Variants in ADAMTS13 observed in about 807,000 individuals in gnomAD.
ADAMTS13 encodes ADAM metallopeptidase with thrombospondin type 1 motif 13.
Under a neutral mutation model 155.1 loss-of-function variants are expected in ADAMTS13, and 110 were observed. That is an observed-to-expected ratio of 0.71 (90% confidence interval 0.61 to 0.83). The LOEUF (loss-of-function observed/expected upper bound fraction) is 0.83. Among genes scored for constraint, ADAMTS13 ranks in the 40% least tolerant of loss-of-function variants. The probability of loss-of-function intolerance (pLI) is 0.00; values close to 1 mark genes in which losing one functional copy is unlikely to be tolerated. For synonymous variants in ADAMTS13, 758 were observed against 756.4 expected (o/e 1.00, Z -0.03); for missense variants, 1,707 against 1,891.7 (o/e 0.90, Z 1.81).
Position 133,436,963 on chromosome 9 carries a change from C to T in ADAMTS13, c.1435+8C>T. On this transcript the variant is annotated splice_region_variant and intron_variant, in intron 12 of 28. Transcript: ENST00000355699. The stretch of plus-strand genomic sequence containing the variant: ...CTGTACCACACAGCCAAGGTGGGGC[C>T]TGCGGAGTGTGGGGTTGGGGGAGGA... 6.3e-7 allele frequency: 1 copy of T among 1,595,838 alleles called. No individual in the cohort carries two copies. Among genetic ancestry groups the T allele is most frequent in the East Asian group, 2.3e-5 (1 of 44,278 alleles).
rs1554790866 is a variant in ADAMTS13 at position 133,441,881 on chromosome 9, C to T, written c.1969-518C>T. The stretch of plus-strand genomic sequence containing the variant: ...CCCTTCTTGGGCTCCTTAGCCCAGC[C>T]TAAGGTGGGCCTGCCTCCTCCACTG... On this transcript the variant is annotated intron_variant, in intron 16 of 28. Coordinates refer to ENST00000355699, the MANE Select transcript of ADAMTS13 (RefSeq NM_139027.6). This position sits in a 1 kb window ranked among gnomAD's most constrained non-coding sequence, Gnocchi z 5.0. Among the ~76,000 whole-genome samples, 2 of 151,746 alleles carry T rather than the reference C, an allele frequency of 1.3e-5. No individual in the cohort carries two copies. The highest frequency in any genetic ancestry group is 4.8e-5 in the African/African-American group (2 of 41,434).
rs1842757375 is a variant in ADAMTS13 at position 133,456,568 on chromosome 9, G to C, written c.3573G>C (p.Arg1191=). The C allele has an allele frequency of 3.1e-6, 5 of 1,613,452 alleles. No individual in the cohort carries two copies. The highest frequency in any genetic ancestry group is 4.2e-6 in the Non-Finnish European group (5 of 1,179,938). The change falls in exon 27 of 29, where the codon CGG becomes CGC. Residue 1191 remains arginine, a synonymous_variant. Transcript: ENST00000355699. The surrounding 1 kb of genome is among the most constrained non-coding windows in gnomAD (Gnocchi z 4.4). ...SAGDMLLLWG[R]LTWRKMCRKL... is the part of the protein sequence containing the mutation. ...GGGACATGTTGCTGCTTTGGGGCCG[G>C]CTCACCTGGAGGAAGATGTGCAGGA... is the stretch of plus-strand genomic sequence containing the variant.
At chr9:133,416,607 T>C (rs1554781623) in intron 1 of ADAMTS13, among the ~76,000 whole-genome samples, 2 of 152,136 alleles carry the variant, frequency 1.3e-5, no homozygotes, top group African/African-American at 2.4e-5. Context: ...TAAGAATGTA[T>C]GAGTGACGCA....
chr9:133,421,339 C>G (rs1323112819), upstream of ADAMTS13, among the ~76,000 whole-genome samples: 1 of 152,194 alleles, frequency 6.6e-6, no homozygotes, highest in Non-Finnish European at 1.5e-5. Context: ...ACCAGGATCT[C>G]GATATCTAAG....
intron 25 of ADAMTS13, 138 bp from the exon 26 acceptor site, chr9:133,455,931 G>T: frequency 8.5e-7 from 1 of 1,172,386 alleles, no homozygotes; most frequent in East Asian, 2.5e-5. Flanking sequence ...TCCCTGTCCT[G>T]AGAAGGCTTC....
chr9:133,424,036 C>G lies in ADAMTS13; in HGVS notation c.173-285C>G, dbSNP rs1467652548. On this transcript the variant is annotated intron_variant, in intron 2 of 28. Coordinates refer to ENST00000355699, the MANE Select transcript of ADAMTS13 (RefSeq NM_139027.6). This position sits in a 1 kb window ranked among gnomAD's most constrained non-coding sequence, Gnocchi z 4.3. ...AAACACCTGTGCCCAGAGCAGGGTC[C>G]AGGAGGCAGGGCAGGGGCTTTCCCC... Among the ~76,000 whole-genome samples, 2 of 152,226 alleles carry G rather than the reference C, an allele frequency of 1.3e-5. No individual in the cohort carries two copies. Among genetic ancestry groups the G allele is most frequent in the African/African-American group, 2.4e-5 (1 of 41,464 alleles).
intron 14 of ADAMTS13, 68 bp from the exon 15 acceptor site, chr9:133,439,298 C>G (rs1431841003): frequency 1.1e-5 from 14 of 1,245,552 alleles, no homozygotes; most frequent in African/African-American, 1.5e-5. Flanking sequence ...CAGCTAAGAT[C>G]AGCTCCCTTT....
Position 133,428,734 on chromosome 9 carries a change from TC to T in ADAMTS13, c.792del (p.Cys265AlafsTer7). 7.4e-7 allele frequency: 1 copy of T among 1,358,734 alleles called. No homozygotes were observed. Among genetic ancestry groups the T allele is most frequent in the Non-Finnish European group, 9.5e-7 (1 of 1,052,680 alleles). The allele number at this position is 1,358,734 out of a possible 1,614,324, so 84.2% of individuals were successfully genotyped here. On this transcript the variant is annotated frameshift_variant, in exon 7 of 29. Coordinates refer to ENST00000355699, the MANE Select transcript of ADAMTS13 (RefSeq NM_139027.6). LOFTEE classifies it high-confidence loss of function. Reference sequence around the variant, plus strand: ...CGCGCCCCGCGCCGGCCTCGCCTGGTCCCCCTGCAGCCGCCGGCAGCTGCTG... The same window carrying T: ...CGCGCCCCGCGCCGGCCTCGCCTGGTCCCCTGCAGCCGCCGGCAGCTGCTG... ...GAAPRAGLAW[S>X]PCSRRQLLSL...
Position 133,425,674 on chromosome 9 carries a change from C to CCAT in ADAMTS13, c.414+64_414+66dup. On this transcript the variant is annotated intron_variant, in intron 4 of 28. Transcript: ENST00000355699. The surrounding 1 kb of genome is among the most constrained non-coding windows in gnomAD (Gnocchi z 4.6). Reference sequence around the variant, plus strand: ...GCGGGAAGCCCAAGTCATCGCATCTCCATCCTCTTTAACCTCTTGTCCCGG... The same window carrying CCAT: ...GCGGGAAGCCCAAGTCATCGCATCTCCATCATCCTCTTTAACCTCTTGTCCCGG... 1 of 1,552,000 alleles carries CCAT rather than the reference C, an allele frequency of 6.4e-7. No individual in the cohort carries two copies. Among genetic ancestry groups the CCAT allele is most frequent in the Non-Finnish European group, 8.8e-7 (1 of 1,135,770 alleles).
chr9:133,427,848 T>G (rs28680464), intron 6 of ADAMTS13, among the ~76,000 whole-genome samples: 8,546 of 152,312 alleles, frequency 0.056, 344 homozygotes, highest in Non-Finnish European at 0.089. Flanking sequence ...GGGGCCAGAT[T>G]ATGCAGAAAT....
intron 7 of ADAMTS13, 49 bp from the exon 8 acceptor site, chr9:133,429,890 C>A: frequency 6.5e-7 from 1 of 1,534,038 alleles, no homozygotes; most frequent in South Asian, 1.2e-5. Flanking sequence ...CGCCTCCTCC[C>A]GGTGTACACC....
intron 13 of ADAMTS13, 37 bp downstream of exon 13, chr9:133,437,934 C>T (rs1841373876): frequency 1.9e-6 from 3 of 1,611,964 alleles, no homozygotes; most frequent in Non-Finnish European, 2.5e-6. Flanking sequence ...GCCCTGGGGC[C>T]TACCTGTCCT....
intron 19 of ADAMTS13, among the ~76,000 whole-genome samples, chr9:133,444,369 A>G (rs915339047): frequency 1.3e-5 from 2 of 151,126 alleles, no homozygotes; most frequent in Non-Finnish European, 3.0e-5. Flanking sequence ...TTTTTTTATT[A>G]AAAGACAGAG....
intron 6 of ADAMTS13, 69 bp downstream of exon 6, chr9:133,426,414 G>C: frequency 6.3e-7 from 1 of 1,586,630 alleles, no homozygotes; most frequent in Non-Finnish European, 8.5e-7. Flanking sequence ...GGTGGAGGTG[G>C]TCTTGGCAAG....
chr9:133,433,145 A>T (rs1490729245), intron 9 of ADAMTS13, among the ~76,000 whole-genome samples: 7 of 86,222 alleles, frequency 8.1e-5, no homozygotes, highest in African/African-American at 3.4e-4. Context: ...GGTCTGGGGG[A>T]TCCATGTGGC....
Position 133,445,209 on chromosome 9 carries a change from G to A in ADAMTS13, c.2610+157G>A, listed in dbSNP as rs912231924. On this transcript the variant is annotated intron_variant, in intron 20 of 28. Coordinates refer to ENST00000355699, the MANE Select transcript of ADAMTS13 (RefSeq NM_139027.6). This position sits in a 1 kb window ranked among gnomAD's most constrained non-coding sequence, Gnocchi z 5.0. ...AGGGCCACCCCTGCTCAGAAAAGAA[G>A]CTTAGAAAGAGGGCTCAGGGCCCCT... 6.6e-6 allele frequency among the ~76,000 whole-genome samples: 1 copy of A among 152,212 alleles called. No individual in the cohort carries two copies. Among genetic ancestry groups the A allele is most frequent in the Non-Finnish European group, 1.5e-5 (1 of 68,028 alleles).
Position 133,440,751 on chromosome 9 carries a change from G to A in ADAMTS13, c.1968+226G>A, listed in dbSNP as rs148799449. On this transcript the variant is annotated intron_variant, in intron 16 of 28. Coordinates refer to ENST00000355699, the MANE Select transcript of ADAMTS13 (RefSeq NM_139027.6). This position sits in a 1 kb window ranked among gnomAD's most constrained non-coding sequence, Gnocchi z 4.3. The stretch of plus-strand genomic sequence containing the variant: ...CCAAATGTGCCTGTGCCCAGAGCCC[G>A]TGGGAGAAGGCCCTGCAGTTCTGGG... 9.8e-5 allele frequency among the ~76,000 whole-genome samples: 15 copies of A among 152,312 alleles called. No individual in the cohort carries two copies. The East Asian group carries it at 1.4e-3, about 14-fold the overall frequency.
In ADAMTS13 at chr9:133,444,893, A is replaced by G. The variant is rs1841949719; in HGVS notation, c.2451A>G (p.Thr817=). The G allele has an allele frequency of 6.2e-7, 1 of 1,613,230 alleles. No individual in the cohort carries two copies. The highest frequency in any genetic ancestry group is 1.3e-5 in the African/African-American group (1 of 75,064). ...AGGTGTCAGAGCCCAGCTCATGCACATCAGCTGGTGGAGCAGGCCTGGCCT... is the reference window on the plus strand; with the variant it reads ...AGGTGTCAGAGCCCAGCTCATGCACGTCAGCTGGTGGAGCAGGCCTGGCCT... ...RWEVSEPSSC[T]SAGGAGLALE... is the part of the protein sequence containing the mutation. The change falls in exon 20 of 29, where the codon ACA becomes ACG. Residue 817 remains threonine (T), a synonymous_variant. Transcript: ENST00000355699.
rs2130908256 is a variant in ADAMTS13 at position 133,448,676 on chromosome 9, A to G, written c.2809A>G (p.Ser937Gly). The G allele has an allele frequency of 6.2e-7, 1 of 1,607,284 alleles. No homozygotes were observed. The highest frequency in any genetic ancestry group is 2.2e-5 in the East Asian group (1 of 44,874). Reference protein sequence around the residue: ...PVQEELCGLASKPGSRREVCQ... With the variant: ...PVQEELCGLAGKPGSRREVCQ... ...CCAGGAAGAGCTGTGTGGCCTGGCA[A>G]GCAAGCCTGGGAGCCGGCGGGAGGT... is the stretch of plus-strand genomic sequence containing the variant. Residue 937 changes from serine to glycine, a missense_variant, in exon 22 of 29, where the codon AGC becomes GGC. Transcript: ENST00000355699.
Sources: gnomAD v4.1 joint callset for allele counts (sites outside exome capture counted in the v4.1 genomes callset) on GRCh38, gnomAD v4.1.1 for gene constraint, Gnocchi (gnomAD v3.1) non-coding constraint, MANE v1.5 for transcripts, NCBI Gene and HGNC (gene_info 2026-07-23, HGNC 2026-07-21) for gene names.